The following UGP2 variants were observed in gnomAD, a reference collection of about 807,000 sequenced individuals.
UGP2 encodes the protein UTP--glucose-1-phosphate uridylyltransferase.
UGP2 carries 40 observed loss-of-function variants against 49.0 expected under a neutral mutation model. That is an observed-to-expected ratio of 0.82 (90% CI 0.63 to 1.06). The LOEUF is 1.06. Ranked by LOEUF, UGP2 falls within the 50% of genes least tolerant of loss-of-function variation. UGP2 has a pLI of 0.00. For missense variants in UGP2, 460 were observed against 603.5 expected (o/e 0.76, Z 2.49); for synonymous variants, 225 against 213.0 (o/e 1.06, Z -0.49).
chr2:63,884,078 C>CTT lies in UGP2; in HGVS notation c.562_563dup (p.Asn189SerfsTer17). 1 of 1,612,732 alleles carries CTT rather than the reference C, an allele frequency of 6.2e-7. No homozygotes were observed. Among genetic ancestry groups the CTT allele is most frequent in the Non-Finnish European group, 8.5e-7 (1 of 1,179,740 alleles). On this transcript the variant is annotated frameshift_variant, in exon 5 of 10. Transcript: ENST00000337130. LOFTEE classifies it high-confidence loss of function. ...AATCATTGTCGTGTGAAAATCTACA[C>CTT]TTTCAATCAAAGCAGGTACAATGAG...
Position 63,884,617 on chromosome 2 carries a change from A to G in UGP2, c.575+524A>G, listed in dbSNP as rs533109706. Among the ~76,000 whole-genome samples, 8 of 152,314 alleles carry G rather than the reference A, an allele frequency of 5.3e-5. No homozygotes were observed. In the South Asian group the frequency reaches 1.7e-3, roughly 32 times the overall value. ...ATCAGTCCACATGAACTTGTACAGA[A>G]GGGATGTTTTGAGGCTGGGTGTGGT... On this transcript the variant is annotated intron_variant, in intron 5 of 9. Transcript: ENST00000337130.
intron 3 of UGP2, among the ~76,000 whole-genome samples, chr2:63,877,119 C>T (rs1670957773): frequency 6.6e-6 from 1 of 152,238 alleles, no homozygotes; most frequent in Admixed American, 6.5e-5. Flanking sequence ...GTTGATGTTA[C>T]AGTGCAAGAA....
At chr2:63,855,180 A>G (rs1048728009) in intron 1 of UGP2, among the ~76,000 whole-genome samples, 1 of 152,216 alleles carries the variant, frequency 6.6e-6, no homozygotes, top group Non-Finnish European at 1.5e-5. Flanking sequence ...TTCTATCTGT[A>G]TAAATGTCTT....
At chr2:63,865,903 G>T (rs777873118) in intron 3 of UGP2, among the ~76,000 whole-genome samples, 9 of 152,076 alleles carry the variant, frequency 5.9e-5, no homozygotes, top group Non-Finnish European at 1.2e-4. Flanking sequence ...GAAGTCAGTT[G>T]TGCTTGTTCT....
At chr2:63,855,228 A>G (rs1193152599) in intron 1 of UGP2, among the ~76,000 whole-genome samples, 13 of 152,182 alleles carry the variant, frequency 8.5e-5, no homozygotes, top group Non-Finnish European at 1.5e-4. Flanking sequence ...TAGTAGGTGG[A>G]GTATATAAGG....
intron 3 of UGP2, among the ~76,000 whole-genome samples, chr2:63,865,565 G>T (rs1670128813): frequency 6.7e-6 from 1 of 148,424 alleles, no homozygotes; most frequent in Non-Finnish European, 1.5e-5. Context: ...AAGAGACAGG[G>T]TCTCACTCTG....
Position 63,887,274 on chromosome 2 carries a change from A to T in UGP2, c.1072-128A>T, listed in dbSNP as rs546737379. 3.6e-6 allele frequency: 5 copies of T among 1,407,274 alleles called. No homozygotes were observed. In the Admixed American group the frequency reaches 6.8e-5, roughly 19 times the overall value. 87.2% of individuals were successfully genotyped at this position (1,407,274 alleles called of 1,614,324 possible). On this transcript the variant is annotated intron_variant, in intron 7 of 9. Coordinates refer to ENST00000337130, the MANE Select transcript of UGP2 (RefSeq NM_006759.4). Reference sequence around the variant, plus strand: ...ATCAAGACTCCTTCTCAAAAAAAAAAAAAAATTTTTTTTTTTCCATCAATG... The same window carrying T: ...ATCAAGACTCCTTCTCAAAAAAAAATAAAAATTTTTTTTTTTCCATCAATG...
chr2:63,855,058 ATGTTT>A (rs1340218658), intron 1 of UGP2: 2 of 155,702 alleles, frequency 1.3e-5, no homozygotes, highest in East Asian at 3.8e-4. Flanking sequence ...AGCTTCTAAA[ATGTTT>A]TGTTTTGTTT....
intron 9 of UGP2, 125 bp downstream of exon 9, chr2:63,890,310 T>G (rs540886904): frequency 0.21 from 130,132 of 633,376 alleles, 15,792 homozygotes; most frequent in Non-Finnish European, 0.24. Context: ...ATTACTAGTG[T>G]AATTATTTTA....
intron 1 of UGP2, among the ~76,000 whole-genome samples, chr2:63,847,968 A>C (rs1218930343): frequency 6.6e-6 from 1 of 152,222 alleles, no homozygotes; most frequent in African/African-American, 2.4e-5. Context: ...AAGTTAACAT[A>C]AACAGATATT....
At chr2:63,855,520 GTTTTTTTTT>G (rs372160888) in intron 1 of UGP2, 21 of 194,280 alleles carry the variant, frequency 1.1e-4, no homozygotes, top group Admixed American at 3.2e-4. Context: ...TTCTTTTTCT[GTTTTTTTTT>G]TTTTTTTTTT....
chr2:63,856,232 T>A, intron 1 of UGP2, 74 bp from the exon 2 acceptor site: 1 of 1,530,236 alleles, frequency 6.5e-7, no homozygotes, highest in South Asian at 1.3e-5. Context: ...ATACCAGAAA[T>A]CAGTTATAGC....
At chr2:63,847,853 G>A (rs1420241127) in intron 1 of UGP2, among the ~76,000 whole-genome samples, 2 of 152,224 alleles carry the variant, frequency 1.3e-5, no homozygotes, top group Non-Finnish European at 2.9e-5. Context: ...AGGCCATCTG[G>A]GCGTATACGT....
At chr2:63,886,028 A>T (rs1344029273) in intron 6 of UGP2, 142 bp downstream of exon 6, 11 of 1,015,770 alleles carry the variant, frequency 1.1e-5, no homozygotes, top group Non-Finnish European at 1.5e-5. Context: ...ATGTATCATA[A>T]ATCCATAATA....
chr2:63,878,357 G>C (rs1184715835), intron 3 of UGP2, among the ~76,000 whole-genome samples: 1 of 152,088 alleles, frequency 6.6e-6, no homozygotes, highest in African/African-American at 2.4e-5. Context: ...CACCCTATTT[G>C]TCACTGATAA....
Position 63,891,387 on chromosome 2 carries a change from G to A in UGP2, c.*160G>A, listed in dbSNP as rs1293007526. The A allele has an allele frequency of 8.2e-6, 4 of 488,450 alleles. No homozygotes were observed. Among genetic ancestry groups the A allele is most frequent in the East Asian group, 3.4e-5 (1 of 29,254 alleles). The allele number at this position is 488,450 out of a possible 1,614,324, so 30.3% of individuals were successfully genotyped here. On this transcript the variant is annotated 3_prime_UTR_variant, in exon 10 of 10. Transcript: ENST00000337130. ...GCAGTATGCTTTTAGTCTAAGAAAA[G>A]CACAGATGGAGCAATACTTTCCTTC... is the stretch of plus-strand genomic sequence containing the variant.
chr2:63,882,710 T>A, intron 4 of UGP2, 59 bp downstream of exon 4: 1 of 1,417,996 alleles, frequency 7.1e-7, no homozygotes, highest in Non-Finnish European at 9.3e-7. Context: ...TTTTAAGTTA[T>A]CATAAATGTT....
intron 3 of UGP2, among the ~76,000 whole-genome samples, chr2:63,869,394 TTTTA>T (rs1485721529): frequency 6.6e-6 from 1 of 152,234 alleles, no homozygotes; most frequent in Admixed American, 6.5e-5. Context: ...TTTCTTTGAT[TTTTA>T]TTTATTAGCA....
upstream of UGP2, chr2:63,841,866 A>G (rs1291679538): frequency 3.5e-6 from 1 of 287,254 alleles, no homozygotes; most frequent in Non-Finnish European, 6.5e-6. Context: ...TCATTGAAGA[A>G]ATTTAAGTTC....
Sources: allele counts gnomAD v4.1 joint callset (sites outside exome capture counted in the v4.1 genomes callset), GRCh38; gene constraint gnomAD v4.1.1; transcripts MANE v1.5; gene names NCBI Gene and HGNC (gene_info 2026-07-23, HGNC 2026-07-21).